The following TIAM2 variants were observed in gnomAD, a reference collection of about 807,000 sequenced individuals.
The protein encoded by TIAM2 is TIAM Rac1 associated GEF 2.
A neutral mutation model predicts 152.9 loss-of-function variants in TIAM2; 80 were observed. The observed-to-expected ratio is 0.52, with a 90% CI of 0.44 to 0.63. The LOEUF (loss-of-function observed/expected upper bound fraction) is 0.63, where lower values mean the gene tolerates loss of function less well. TIAM2 is among the 30% of genes least tolerant of loss of function. The pLI is 0.00. For missense variants in TIAM2, 1,965 were observed against 2,120.1 expected (o/e 0.93, Z 1.44); for synonymous variants, 804 against 838.0 (o/e 0.96, Z 0.70).
intron 1 of TIAM2, chr6:155,005,088 G>T: frequency 3.2e-6 from 1 of 314,098 alleles, no homozygotes; most frequent in South Asian, 5.8e-5. Context: ...CTTGGAGGAT[G>T]GTAATGGAGG....
chr6:155,214,358 G>A lies in TIAM2; in HGVS notation c.3168+3051G>A, dbSNP rs1781801710. Among the ~76,000 whole-genome samples, 1 of 152,240 alleles carries A rather than the reference G, an allele frequency of 6.6e-6. No individual in the cohort carries two copies. Among genetic ancestry groups the A allele is most frequent in the African/African-American group, 2.4e-5 (1 of 41,470 alleles). On this transcript the variant is annotated intron_variant, in intron 15 of 26. Transcript: ENST00000682666. The surrounding 1 kb of genome is among the most constrained non-coding windows in gnomAD (Gnocchi z 5.4). ...TGTGGCATACCTTTTGGGGGTTGGTGACATCCCCTGTGTGTGAGGGACCAG... is the reference window on the plus strand; with the variant it reads ...TGTGGCATACCTTTTGGGGGTTGGTAACATCCCCTGTGTGTGAGGGACCAG...
intron 1 of TIAM2, among the ~76,000 whole-genome samples, chr6:155,037,515 T>C (rs4457166): frequency 0.62 from 93,837 of 151,928 alleles, 29,723 homozygotes; most frequent in East Asian, 0.74. Context: ...TGTGCTCCTC[T>C]GGGCTGGTTT....
intron 5 of TIAM2, 99 bp from the exon 6 acceptor site, chr6:155,144,507 C>A: frequency 8.6e-7 from 1 of 1,168,938 alleles, no homozygotes; most frequent in Non-Finnish European, 1.1e-6. Context: ...ATGATTGTCT[C>A]ACTCAGGTGT....
intron 1 of TIAM2, among the ~76,000 whole-genome samples, chr6:155,045,445 A>G (rs1777153961): frequency 8.5e-6 from 1 of 117,174 alleles, no homozygotes; most frequent in Admixed American, 8.6e-5. Flanking sequence ...TTCTTAAAAT[A>G]CTTATTAGAA....
chr6:155,172,798 T>C (rs1307475293), intron 9 of TIAM2, among the ~76,000 whole-genome samples: 1 of 148,428 alleles, frequency 6.7e-6, no homozygotes, highest in Non-Finnish European at 1.5e-5. Context: ...TCTGGGTGGT[T>C]AAAAAGGTTA....
rs765208102 is a variant in TIAM2 at position 155,244,767 on chromosome 6, C to A, written c.3527C>A (p.Thr1176Asn). ...SASSDFNTLE[T>N]PSQFRKLLFS... ...TCATCTGACTTTAACACCCTAGAAA[C>A]CCCCTCACAGTTTAGAGTAAGTATC... The change falls in exon 18 of 27, where the codon ACC (threonine) becomes AAC (asparagine). Residue 1176 changes from threonine to asparagine, a missense_variant. By Grantham distance (65) the Thr-to-Asn change is moderately conservative. This residue lies in a region of TIAM2 where 935 missense variants were observed against 980.0 expected (regional missense o/e 0.95). Transcript: ENST00000682666. 1.2e-6 allele frequency: 2 copies of A among 1,612,804 alleles called. No homozygotes were observed. Among genetic ancestry groups the A allele is most frequent in the Non-Finnish European group, 1.7e-6 (2 of 1,179,332 alleles).
At chr6:155,080,310 CACTT>C (rs774113616) in intron 1 of TIAM2, among the ~76,000 whole-genome samples, 42 of 152,146 alleles carry the variant, frequency 2.8e-4, no homozygotes, top group Middle Eastern at 3.4e-3. Context: ...GAAATGAAAA[CACTT>C]ACGGAGAGTG....
intron 11 of TIAM2, 71 bp downstream of exon 11, chr6:155,179,214 T>A: frequency 1.3e-6 from 2 of 1,505,760 alleles, no homozygotes; most frequent in Non-Finnish European, 1.8e-6. Flanking sequence ...AAAAATGTCA[T>A]TTTTGGGGAA....
At chr6:155,033,751 C>T (rs991199688) in intron 1 of TIAM2, among the ~76,000 whole-genome samples, 1 of 149,856 alleles carries the variant, frequency 6.7e-6, no homozygotes, top group Non-Finnish European at 1.5e-5. Context: ...GAGTCTTGCT[C>T]TGTCACCCAG....
chr6:155,079,616 A>C (rs539210375), intron 1 of TIAM2, among the ~76,000 whole-genome samples: 39 of 152,168 alleles, frequency 2.6e-4, no homozygotes, highest in African/African-American at 8.9e-4. Context: ...CTTGGAGCTG[A>C]CTCTTTATGG....
intron 2 of TIAM2, among the ~76,000 whole-genome samples, chr6:155,115,609 CACCACTGTACTCCAGCCTGCGTGATA>C (rs1314921571): frequency 6.6e-6 from 1 of 152,172 alleles, no homozygotes; most frequent in African/African-American, 2.4e-5. Context: ...GCCGTGATCA[CACCACTGTACTCCAGCCTGCGTGATA>C]GAGCAAGACC....
At chr6:155,148,079 C>T (rs560722939) in intron 6 of TIAM2, 31 bp from the exon 7 acceptor site, 29 of 1,608,774 alleles carry the variant, frequency 1.8e-5, no homozygotes, top group South Asian at 8.8e-5. Flanking sequence ...TAAAATGATT[C>T]GAAACAGGCT....
intron 1 of TIAM2, among the ~76,000 whole-genome samples, chr6:155,042,265 A>G (rs61176262): frequency 0.051 from 7,798 of 151,892 alleles, 391 homozygotes; most frequent in African/African-American, 0.13. Flanking sequence ...CCTGTCTTCC[A>G]GGGCTTGGTA....
rs906024484 is a variant in TIAM2 at position 155,214,361 on chromosome 6, A to G, written c.3168+3054A>G. Among the ~76,000 whole-genome samples, 1 of 152,186 alleles carries G rather than the reference A, an allele frequency of 6.6e-6. No homozygotes were observed. Among genetic ancestry groups the G allele is most frequent in the East Asian group, 1.9e-4 (1 of 5,198 alleles). Reference sequence around the variant, plus strand: ...GGCATACCTTTTGGGGGTTGGTGACATCCCCTGTGTGTGAGGGACCAGGTT... The same window carrying G: ...GGCATACCTTTTGGGGGTTGGTGACGTCCCCTGTGTGTGAGGGACCAGGTT... On this transcript the variant is annotated intron_variant, in intron 15 of 26. Coordinates refer to ENST00000682666, the MANE Select transcript of TIAM2 (RefSeq NM_012454.4). This position sits in a 1 kb window ranked among gnomAD's most constrained non-coding sequence, Gnocchi z 5.4.
intron 9 of TIAM2, among the ~76,000 whole-genome samples, chr6:155,172,686 ATTTTTTTTT>A (rs113165280): frequency 3.0e-3 from 58 of 19,590 alleles, no homozygotes; most frequent in East Asian, 0.011. Context: ...ATATATATAT[ATTTTTTTTT>A]TTTTTTTTTT....
chr6:155,121,740 G>A (rs984269255), intron 2 of TIAM2, among the ~76,000 whole-genome samples: 1 of 152,170 alleles, frequency 6.6e-6, no homozygotes, highest in African/African-American at 2.4e-5. Context: ...CTGGAGCGAC[G>A]TGAAGCCTGT....
At chr6:155,050,223 G>C (rs1430920948) in intron 1 of TIAM2, among the ~76,000 whole-genome samples, 4 of 152,110 alleles carry the variant, frequency 2.6e-5, no homozygotes, top group Admixed American at 2.6e-4. Flanking sequence ...ATAGAGACTG[G>C]GTTTCACCAT....
chr6:155,225,621 T>A (rs1782215855), intron 15 of TIAM2, among the ~76,000 whole-genome samples: 1 of 152,244 alleles, frequency 6.6e-6, no homozygotes, highest in African/African-American at 2.4e-5. Context: ...CTGGCTTTGG[T>A]TCCCATGTAT....
chr6:155,034,409 C>T lies in TIAM2; in HGVS notation c.-209+38917C>T, dbSNP rs536261061. 7.2e-5 allele frequency among the ~76,000 whole-genome samples: 11 copies of T among 152,234 alleles called. No individual in the cohort carries two copies. In the South Asian group the frequency reaches 2.3e-3, roughly 32 times the overall value. On this transcript the variant is annotated intron_variant, in intron 1 of 26. Coordinates refer to ENST00000682666, the MANE Select transcript of TIAM2 (RefSeq NM_012454.4). ...GGGATTGATTATAGCCACCCACCAC[C>T]ATGCCCGGCTAATTTTTGTATTTTG...
Sources: allele counts gnomAD v4.1 joint callset (sites outside exome capture counted in the v4.1 genomes callset), GRCh38; gene constraint gnomAD v4.1.1; regional missense constraint gnomAD v4.1.1; non-coding constraint Gnocchi (gnomAD v3.1); transcripts MANE v1.5; gene names NCBI Gene and HGNC (gene_info 2026-07-23, HGNC 2026-07-21).